BRSK2: variants seen among roughly 807,000 people sequenced by gnomAD.
BRSK2 encodes serine/threonine-protein kinase BRSK2.
Under a neutral mutation model 83.3 loss-of-function variants are expected in BRSK2, and 19 were observed. The observed-to-expected ratio is 0.23, with a 90% CI of 0.16 to 0.33. The LOEUF is 0.33. Ranked by LOEUF, BRSK2 falls within the 10% of genes least tolerant of loss-of-function variation. The probability of loss-of-function intolerance (pLI) is 1.00; values close to 1 mark genes in which losing one functional copy is unlikely to be tolerated. For synonymous variants in BRSK2, 519 were observed against 435.4 expected, an observed-to-expected ratio of 1.19 and a Z score of -2.39; for missense variants, 798 against 1,042.3, an observed-to-expected ratio of 0.77 and a Z score of 3.23.
At chr11:1,402,617 C>T (rs1012595120) in intron 1 of BRSK2, among the ~76,000 whole-genome samples, 3 of 144,724 alleles carry the variant, frequency 2.1e-5, no homozygotes, top group East Asian at 1.9e-4. Context: ...CTCCCTGGAG[C>T]TCCCCACACA....
intron 1 of BRSK2, among the ~76,000 whole-genome samples, chr11:1,426,240 CCGGGGA>C (rs1262906369): frequency 1.2e-3 from 116 of 95,340 alleles, no homozygotes; most frequent in Non-Finnish European, 1.5e-3. Flanking sequence ...GGGGCGTGCT[CCGGGGA>C]TGTGTGTGGG....
intron 3 of BRSK2, among the ~76,000 whole-genome samples, chr11:1,439,605 G>GC (rs1850873431): frequency 6.6e-6 from 1 of 152,072 alleles, no homozygotes; most frequent in Non-Finnish European, 1.5e-5. Context: ...CAGGAGGTGG[G>GC]CATGGCCGGG....
At chr11:1,451,274 G>A (rs996771003) in intron 14 of BRSK2, 97 bp from the exon 15 acceptor site, 9 of 1,391,086 alleles carry the variant, frequency 6.5e-6, no homozygotes, top group South Asian at 4.7e-5. Flanking sequence ...TGTGTGGGTG[G>A]ACTCCTGATG....
chr11:1,411,138 A>AG, intron 1 of BRSK2: 1 of 1,214,232 alleles, frequency 8.2e-7, no homozygotes. Flanking sequence ...TCAGGGGCCT[A>AG]GGGTGGGGGC....
chr11:1,459,614 C>T (rs1019041917), intron 19 of BRSK2, among the ~76,000 whole-genome samples: 10 of 152,310 alleles, frequency 6.6e-5, no homozygotes, highest in South Asian at 2.1e-4. Flanking sequence ...TGGCAGGGAG[C>T]GGAGGGGCCC....
At chr11:1,396,524 AG>A (rs1451714407) in intron 1 of BRSK2, among the ~76,000 whole-genome samples, 1 of 152,198 alleles carries the variant, frequency 6.6e-6, no homozygotes, top group Non-Finnish European at 1.5e-5. Context: ...GCCCGAGGGC[AG>A]GTCAGACCCC....
chr11:1,448,537 C>T (rs1852516021), intron 12 of BRSK2, among the ~76,000 whole-genome samples: 1 of 152,204 alleles, frequency 6.6e-6, no homozygotes. Flanking sequence ...AGGGCTCGGC[C>T]CCTCCACCCC....
chr11:1,448,276 T>C (rs1404064613), intron 12 of BRSK2, among the ~76,000 whole-genome samples: 1 of 152,068 alleles, frequency 6.6e-6, no homozygotes, highest in African/African-American at 2.4e-5. Context: ...GGCGCCGCCG[T>C]CAAGAGGGGC....
intron 1 of BRSK2, among the ~76,000 whole-genome samples, chr11:1,425,841 G>A (rs960391679): frequency 1.3e-5 from 2 of 152,206 alleles, no homozygotes; most frequent in Non-Finnish European, 2.9e-5. Flanking sequence ...GCACTGTGGA[G>A]ATGGGAAGAG....
chr11:1,455,464 A>G (rs1252103273), intron 16 of BRSK2, among the ~76,000 whole-genome samples: 5 of 151,348 alleles, frequency 3.3e-5, no homozygotes, highest in Non-Finnish European at 7.4e-5. Context: ...ACTGGCCCCC[A>G]CCCCACCATA....
intron 1 of BRSK2, among the ~76,000 whole-genome samples, chr11:1,403,779 G>A (rs2134064083): frequency 6.6e-6 from 1 of 152,280 alleles, no homozygotes; most frequent in South Asian, 2.1e-4. Flanking sequence ...GTGGCTCCTG[G>A]TGGCGTTGGA....
chr11:1,456,585 C>G lies in BRSK2; in HGVS notation c.1850-13C>G. ...CCAGGCCCGTCCAGGGCATAACCCC[C>G]TGTCTCCCCTAGGCCCCAGCCGTCG... On this transcript the variant is annotated splice_polypyrimidine_tract_variant and intron_variant, in intron 17 of 19. Transcript: ENST00000528841. The G allele has an allele frequency of 1.2e-6, 2 of 1,609,026 alleles. No individual in the cohort carries two copies. Among genetic ancestry groups the G allele is most frequent in the Non-Finnish European group, 1.7e-6 (2 of 1,178,436 alleles).
intron 1 of BRSK2, among the ~76,000 whole-genome samples, chr11:1,398,556 C>T (rs1846265422): frequency 6.6e-6 from 1 of 152,168 alleles, no homozygotes; most frequent in African/African-American, 2.4e-5. Flanking sequence ...GGGGCTCATT[C>T]AGCTGCCCCC....
intron 1 of BRSK2, among the ~76,000 whole-genome samples, chr11:1,421,956 G>A (rs1231918608): frequency 1.3e-5 from 2 of 152,064 alleles, no homozygotes; most frequent in Non-Finnish European, 2.9e-5. Context: ...GGGAGAGAGG[G>A]GGCAGGTGGG....
chr11:1,453,805 C>CAA (rs1406125026), intron 15 of BRSK2: 1 of 152,374 alleles, frequency 6.6e-6, no homozygotes, highest in Non-Finnish European at 1.5e-5. Flanking sequence ...CTCCAGGCAG[C>CAA]AACGGCAGGG....
chr11:1,415,529 C>G (rs1269377046), intron 1 of BRSK2, among the ~76,000 whole-genome samples: 1 of 152,198 alleles, frequency 6.6e-6, no homozygotes, highest in African/African-American at 2.4e-5. Flanking sequence ...AGATTACAGG[C>G]TTGAGCCACT....
Position 1,451,403 on chromosome 11 carries a change from C to T in BRSK2, c.1528C>T (p.Pro510Ser). 1 of 1,612,936 alleles carries T rather than the reference C, an allele frequency of 6.2e-7. No individual in the cohort carries two copies. Among genetic ancestry groups the T allele is most frequent in the South Asian group, 1.1e-5 (1 of 91,088 alleles). Reference protein sequence around the residue: ...PTPEEMSNLTPESSPELAKKS... With the variant: ...PTPEEMSNLTSESSPELAKKS... ...GCCGGAGGAGATGTCCAACCTGACA[C>T]CAGAGTCGTCCCCAGAGTAAGTGGC... The change falls in exon 15 of 20, where the codon CCA (proline) becomes TCA (serine). Residue 510 changes from proline to serine, a missense_variant. Transcript: ENST00000528841.
At chr11:1,439,766 C>G (rs1850902086) in intron 3 of BRSK2, among the ~76,000 whole-genome samples, 1 of 151,718 alleles carries the variant, frequency 6.6e-6, no homozygotes, top group Non-Finnish European at 1.5e-5. Context: ...GGCTTCACAC[C>G]TTCCTCTGCC....
chr11:1,442,661 G>T, intron 5 of BRSK2, 55 bp downstream of exon 5: 1 of 1,456,800 alleles, frequency 6.9e-7, no homozygotes, highest in South Asian at 1.1e-5. Context: ...GCTGGGGGAA[G>T]AGGAGCCAGT....
Sources: allele counts gnomAD v4.1 joint callset (sites outside exome capture counted in the v4.1 genomes callset), GRCh38; gene constraint gnomAD v4.1.1; transcripts MANE v1.5; gene names NCBI Gene and HGNC (gene_info 2026-07-23, HGNC 2026-07-21).